Variants in SIRT1 observed in about 807,000 individuals in gnomAD.
SIRT1 encodes sirtuin 1.
Under a neutral mutation model 67.9 loss-of-function variants are expected in SIRT1, and 24 were observed. That is an observed-to-expected ratio of 0.35 (90% CI 0.26 to 0.50). The LOEUF (loss-of-function observed/expected upper bound fraction) is 0.50, where lower values mean the gene tolerates loss of function less well. SIRT1 is among the 20% of genes least tolerant of loss of function. The pLI is 0.98. For synonymous variants in SIRT1, 378 were observed against 350.7 expected, an observed-to-expected ratio of 1.08 and a Z score of -0.87; for missense variants, 873 against 937.2, an observed-to-expected ratio of 0.93 and a Z score of 0.89.
In SIRT1 at chr10:67,916,772, G is replaced by T. The variant is rs2029927296; in HGVS notation, c.*179G>T. ...TTTTAACTTCATTATTTCTGTACTT[G>T]TACAAACTCAACACTAACTTTTTTT... On this transcript the variant is annotated 3_prime_UTR_variant, in exon 9 of 9. Coordinates refer to ENST00000212015, the MANE Select transcript of SIRT1 (RefSeq NM_012238.5). 4 of 411,354 alleles carry T rather than the reference G, an allele frequency of 9.7e-6. No individual in the cohort carries two copies. Among genetic ancestry groups the T allele is most frequent in the African/African-American group, 4.1e-5 (2 of 48,404 alleles). The allele number at this position is 411,354 out of a possible 1,614,324, so 25.5% of individuals were successfully genotyped here. A position where few individuals can be genotyped will look rare whatever the true frequency, so the allele number is the denominator to read the frequency against.
chr10:67,903,912 T>TA (rs766448131), intron 4 of SIRT1, among the ~76,000 whole-genome samples: 37 of 150,970 alleles, frequency 2.5e-4, no homozygotes, highest in Non-Finnish European at 4.7e-4. Flanking sequence ...AAAAAGGCTT[T>TA]AGGATATTCA....
chr10:67,914,653 C>T (rs1218172365), intron 8 of SIRT1, among the ~76,000 whole-genome samples: 4 of 152,134 alleles, frequency 2.6e-5, no homozygotes, highest in East Asian at 1.9e-4. Flanking sequence ...ATGTGTCAAA[C>T]GGACAATCTC....
chr10:67,894,757 T>C (rs947043500), intron 4 of SIRT1, among the ~76,000 whole-genome samples: 1 of 152,182 alleles, frequency 6.6e-6, no homozygotes, highest in Admixed American at 6.5e-5. Flanking sequence ...GTTGCCAGGC[T>C]GTAGTGCATT....
chr10:67,887,637 C>G (rs1233269978), intron 2 of SIRT1, 104 bp downstream of exon 2: 2 of 703,328 alleles, frequency 2.8e-6, no homozygotes, highest in Non-Finnish European at 4.8e-6. Context: ...AGTGCAATGG[C>G]GCGATCTCGG....
chr10:67,916,174 G>T, intron 8 of SIRT1, 91 bp from the exon 9 acceptor site: 1 of 1,125,746 alleles, frequency 8.9e-7, no homozygotes, highest in Non-Finnish European at 1.3e-6. Flanking sequence ...TTATAATAAA[G>T]GCAGAGCTGG....
chr10:67,908,022 C>T (rs2131882199), intron 5 of SIRT1, 24 bp from the exon 6 acceptor site: 1 of 1,575,152 alleles, frequency 6.3e-7, no homozygotes, highest in Non-Finnish European at 8.7e-7. Context: ...TTTAATAAAG[C>T]ATATATATGT....
At chr10:67,896,011 T>G (rs1393332134) in intron 4 of SIRT1, among the ~76,000 whole-genome samples, 2 of 152,158 alleles carry the variant, frequency 1.3e-5, no homozygotes, top group Non-Finnish European at 2.9e-5. Flanking sequence ...GTGCTGGGAT[T>G]ACAGGCGTGA....
chr10:67,896,418 G>GT (rs1288464138), intron 4 of SIRT1, among the ~76,000 whole-genome samples: 5 of 152,194 alleles, frequency 3.3e-5, no homozygotes, highest in Non-Finnish European at 7.3e-5. Context: ...TGTCGGGATT[G>GT]TAGGCATAGG....
At position 67,887,653 on chromosome 10, in the gene SIRT1, C is replaced by A. The variant is rs553895225; in HGVS notation, c.547+120C>A. On this transcript the variant is annotated intron_variant, in intron 2 of 8. Transcript: ENST00000212015. ...GTGCAATGGCGCGATCTCGGCTCAC[C>A]GTACCCTCCGCCTTCCAGGTTCAAG... 93 of 588,526 alleles carry A rather than the reference C, an allele frequency of 1.6e-4. 1 individual carries two copies. The African/African-American group carries it at 1.7e-3, about 10-fold the overall frequency. The allele number at this position is 588,526 out of a possible 1,614,324, so 36.5% of individuals were successfully genotyped here. A position where few individuals can be genotyped will look rare whatever the true frequency, so the allele number is the denominator to read the frequency against.
intron 4 of SIRT1, among the ~76,000 whole-genome samples, chr10:67,901,812 A>C (rs1372342899): frequency 6.6e-6 from 1 of 152,236 alleles, no homozygotes; most frequent in Non-Finnish European, 1.5e-5. Context: ...TTAAGCATTA[A>C]TTTATTACTT....
rs201568954 is a variant in SIRT1, at chr10:67,916,802, T to A, written c.*209T>A. On this transcript the variant is annotated 3_prime_UTR_variant, in exon 9 of 9. Transcript: ENST00000212015. ...AACTCAACACTAACTTTTTTTTTTTTAAAAAAAAAAAGGTACTAAGTATCT... is the reference window on the plus strand; with the variant it reads ...AACTCAACACTAACTTTTTTTTTTTAAAAAAAAAAAAGGTACTAAGTATCT... 2,930 of 282,524 alleles carry A rather than the reference T, an allele frequency of 0.01. 55 individuals are homozygous for A. Among genetic ancestry groups the A allele is most frequent in the African/African-American group, 0.054 (2,316 of 43,130 alleles). The allele number at this position is 282,524 out of a possible 1,614,324, so 17.5% of individuals were successfully genotyped here. A position where few individuals can be genotyped will look rare whatever the true frequency, so the allele number is the denominator to read the frequency against.
intron 4 of SIRT1, among the ~76,000 whole-genome samples, chr10:67,901,006 A>G (rs1372153885): frequency 2.6e-5 from 4 of 152,340 alleles, no homozygotes; most frequent in African/African-American, 9.6e-5. Flanking sequence ...GAAGGTGAGC[A>G]AACTGAAATG....
chr10:67,901,860 T>C (rs207471126), intron 4 of SIRT1, among the ~76,000 whole-genome samples: 3 of 152,252 alleles, frequency 2.0e-5, no homozygotes, highest in Non-Finnish European at 4.4e-5. Context: ...TACAACATGA[T>C]GTTTTGATGT....
intron 7 of SIRT1, among the ~76,000 whole-genome samples, chr10:67,910,243 T>A (rs1842878877): frequency 6.6e-6 from 1 of 151,884 alleles, no homozygotes; most frequent in African/African-American, 2.4e-5. Flanking sequence ...GGCATAGTGG[T>A]GTGCACATGT....
chr10:67,903,882 GC>G (rs1470997709), intron 4 of SIRT1, among the ~76,000 whole-genome samples: 3 of 152,102 alleles, frequency 2.0e-5, no homozygotes, highest in Non-Finnish European at 1.5e-5. Context: ...GAATGGCCCA[GC>G]CCTCATGATT....
intron 7 of SIRT1, among the ~76,000 whole-genome samples, chr10:67,909,789 G>A (rs1292182460): frequency 6.6e-6 from 1 of 151,948 alleles, no homozygotes; most frequent in African/African-American, 2.4e-5. Context: ...TGGCCAGGCT[G>A]GTCTCGAACT....
chr10:67,886,316 G>C (rs1842479950), intron 1 of SIRT1, among the ~76,000 whole-genome samples: 1 of 151,854 alleles, frequency 6.6e-6, no homozygotes, highest in South Asian at 2.1e-4. Context: ...GGTCAGGCCG[G>C]GCGCGGTGGC....
intron 4 of SIRT1, among the ~76,000 whole-genome samples, chr10:67,893,350 A>G (rs1018432415): frequency 6.6e-6 from 1 of 151,754 alleles, no homozygotes; most frequent in Non-Finnish European, 1.5e-5. Context: ...CCCTGTGTCC[A>G]TGTGTTCTTA....
rs143399886 is a variant in SIRT1, at chr10:67,912,484, C to G, written c.1368C>G (p.Pro456=). 1.2e-6 allele frequency: 2 copies of G among 1,607,798 alleles called. No homozygotes were observed. Among genetic ancestry groups the G allele is most frequent in the Admixed American group, 1.7e-5 (1 of 58,870 alleles). ...RPVALIPSSI[P]HEVPQILINR... is the part of the protein sequence containing the mutation. The stretch of plus-strand genomic sequence containing the variant: ...TTCACCCTATTTTAGGTTCCATACC[C>G]CATGAAGTGCCTCAGATATTAATTA... The change falls in exon 8 of 9, where the codon CCC becomes CCG. Residue 456 remains proline, a synonymous_variant. Coordinates refer to ENST00000212015, the MANE Select transcript of SIRT1 (RefSeq NM_012238.5).
Sources: allele counts gnomAD v4.1 joint callset (sites outside exome capture counted in the v4.1 genomes callset), GRCh38; gene constraint gnomAD v4.1.1; transcripts MANE v1.5; gene names NCBI Gene and HGNC (gene_info 2026-07-23, HGNC 2026-07-21).